ACSL3: variants seen among roughly 807,000 people sequenced by gnomAD.
The protein encoded by ACSL3 is acyl-CoA synthetase long chain family member 3, also known as fatty acid CoA ligase Acsl3.
In ACSL3, 34 loss-of-function variants were observed where a neutral mutation model predicts 84.7. The observed-to-expected ratio is 0.40, with a 90% CI of 0.31 to 0.53. The LOEUF (loss-of-function observed/expected upper bound fraction) is 0.53. Among genes scored for constraint, ACSL3 ranks in the 20% least tolerant of loss-of-function variants. The pLI is 0.48. For synonymous variants in ACSL3, 315 were observed against 299.4 expected (o/e 1.05, Z -0.54); for missense variants, 680 against 873.1 (o/e 0.78, Z 2.79).
At chr2:222,875,968 G>C (rs1469883095) in intron 1 of ACSL3, among the ~76,000 whole-genome samples, 2 of 152,162 alleles carry the variant, frequency 1.3e-5, no homozygotes, top group Non-Finnish European at 2.9e-5. Flanking sequence ...TGCATCATTA[G>C]AGTGTTTACC....
intron 10 of ACSL3, 102 bp downstream of exon 10, chr2:222,923,251 T>A: frequency 1.0e-6 from 1 of 960,048 alleles, no homozygotes; most frequent in Non-Finnish European, 1.6e-6. Context: ...GTAGTTTATG[T>A]AGGATTTATT....
chr2:222,934,473 T>A, intron 15 of ACSL3, 57 bp from the exon 16 acceptor site: 2 of 1,357,174 alleles, frequency 1.5e-6, no homozygotes, highest in Non-Finnish European at 1.9e-6. Context: ...TAATAATAAC[T>A]GCAGTCAACA....
At chr2:222,906,065 G>T (rs1696284301) in intron 3 of ACSL3, among the ~76,000 whole-genome samples, 1 of 151,966 alleles carries the variant, frequency 6.6e-6, no homozygotes, top group African/African-American at 2.4e-5. Flanking sequence ...TTGTAAACTG[G>T]GCATTTTAGA....
At position 222,909,016 on chromosome 2, in the gene ACSL3, T is replaced by C; in HGVS notation, c.244T>C (p.Tyr82His). The change falls in exon 4 of 17, where the codon TAC (tyrosine) becomes CAC (histidine). Residue 82 changes from tyrosine (Y) to histidine (H), a missense_variant. Physicochemically the swap from Tyr to His is moderately conservative, Grantham distance 83 (BLOSUM62 2). Around this residue, in one of 2 missense-constraint regions of ACSL3, gnomAD observed 333 missense variants for 347.5 expected, o/e 0.96. Transcript: ENST00000357430. ...TTTGGATGGTTTGGCTTCAGTATTA[T>C]ACCCTGGATGTGATACTTTAGATAA... ...NSLDGLASVLYPGCDTLDKVF... is the reference protein window; with the variant it reads ...NSLDGLASVLHPGCDTLDKVF... 6.2e-7 allele frequency: 1 copy of C among 1,613,792 alleles called. No individual in the cohort carries two copies. Among genetic ancestry groups the C allele is most frequent in the Non-Finnish European group, 8.5e-7 (1 of 1,179,896 alleles).
chr2:222,920,115 G>A (rs1030258539), intron 7 of ACSL3, among the ~76,000 whole-genome samples: 7 of 152,122 alleles, frequency 4.6e-5, no homozygotes, highest in Non-Finnish European at 8.8e-5. Flanking sequence ...TGCATGCAGA[G>A]GTCAGATGAC....
intron 1 of ACSL3, among the ~76,000 whole-genome samples, chr2:222,882,780 T>G (rs1351470791): frequency 8.1e-6 from 1 of 123,770 alleles, no homozygotes; most frequent in African/African-American, 3.0e-5. Context: ...TTTTTTTTTT[T>G]GAAGACAGAT....
At chr2:222,898,848 G>C (rs977028805) in intron 2 of ACSL3, among the ~76,000 whole-genome samples, 1 of 151,898 alleles carries the variant, frequency 6.6e-6, no homozygotes. Flanking sequence ...ACAAACAAAC[G>C]AAAACAAAAC....
At chr2:222,931,903 C>T (rs1192570737) in intron 14 of ACSL3, among the ~76,000 whole-genome samples, 1 of 151,978 alleles carries the variant, frequency 6.6e-6, no homozygotes, top group South Asian at 2.1e-4. Flanking sequence ...TCGGCTCAAG[C>T]AGCTGAGCAT....
chr2:222,928,146 A>G (rs914000545), intron 12 of ACSL3, among the ~76,000 whole-genome samples: 4 of 152,384 alleles, frequency 2.6e-5, no homozygotes, highest in East Asian at 1.9e-4. Flanking sequence ...AAGAGGAAAC[A>G]TAATGCAATA....
intron 16 of ACSL3, among the ~76,000 whole-genome samples, chr2:222,939,885 A>G (rs187976323): frequency 5.0e-4 from 76 of 152,224 alleles, no homozygotes; most frequent in East Asian, 4.1e-3. Flanking sequence ...CATTTCTTTC[A>G]TGTATCATAT....
At chr2:222,920,383 CTT>C (rs1387928572) in intron 7 of ACSL3, among the ~76,000 whole-genome samples, 3 of 152,172 alleles carry the variant, frequency 2.0e-5, no homozygotes, top group Non-Finnish European at 4.4e-5. Context: ...ACCTATTTCT[CTT>C]TGTTCTTCTG....
chr2:222,873,578 T>C (rs889440676), intron 1 of ACSL3, among the ~76,000 whole-genome samples: 10 of 152,336 alleles, frequency 6.6e-5, no homozygotes, highest in African/African-American at 2.4e-4. Context: ...ATTCTAGATA[T>C]AGCCAGTGCT....
rs900212510 is a variant in ACSL3, at chr2:222,871,037, G to A, written c.-207+9779G>A. On this transcript the variant is annotated intron_variant, in intron 1 of 16. Transcript: ENST00000357430. ...ATAGTTAAGGATACAGTTGAATTCT[G>A]CCAGGTGACAGGAGTAAGGACCTGA... Among the ~76,000 whole-genome samples, 4 of 152,224 alleles carry A rather than the reference G, an allele frequency of 2.6e-5. No homozygotes were observed. The South Asian group carries it at 8.3e-4, about 32-fold the overall frequency.
chr2:222,871,415 C>G (rs1273666307), intron 1 of ACSL3, among the ~76,000 whole-genome samples: 32 of 151,982 alleles, frequency 2.1e-4, no homozygotes, highest in Non-Finnish European at 1.5e-5. Flanking sequence ...GAACAAAGTT[C>G]TGGGCTTAGA....
At chr2:222,875,924 C>G (rs1695435538) in intron 1 of ACSL3, among the ~76,000 whole-genome samples, 1 of 151,994 alleles carries the variant, frequency 6.6e-6, no homozygotes. Flanking sequence ...CTAGGTAATA[C>G]TTTGTAGGTT....
intron 11 of ACSL3, among the ~76,000 whole-genome samples, chr2:222,924,808 G>A (rs7590226): frequency 0.81 from 123,232 of 151,802 alleles, 50,189 homozygotes; most frequent in East Asian, 0.96. Flanking sequence ...TGGATCATGA[G>A]GTCAGGAGAT....
In ACSL3 at chr2:222,896,447, C is replaced by T. The variant is rs1199623617; in HGVS notation, c.-147-4227C>T. On this transcript the variant is annotated intron_variant, in intron 2 of 16. Transcript: ENST00000357430. ...GGGGCTGACTCCCCCTCCCCCCTCC[C>T]GGACGGGGCGGCTGGCCGGGCGGGG... Among the ~76,000 whole-genome samples, 46 of 23,836 alleles carry T rather than the reference C, an allele frequency of 1.9e-3. 1 individual carries two copies. Among genetic ancestry groups the T allele is most frequent in the Admixed American group, 4.4e-3 (11 of 2,484 alleles). The allele number at this position is 23,836 out of a possible 152,430, so 15.6% of individuals were successfully genotyped here. A position where few individuals can be genotyped will look rare whatever the true frequency, so the allele number is the denominator to read the frequency against.
intron 1 of ACSL3, among the ~76,000 whole-genome samples, chr2:222,887,246 T>C (rs1372174352): frequency 6.6e-6 from 1 of 152,244 alleles, no homozygotes; most frequent in Non-Finnish European, 1.5e-5. Flanking sequence ...TGTCTTGTCA[T>C]GGCTTGATGG....
intron 2 of ACSL3, among the ~76,000 whole-genome samples, chr2:222,893,505 C>T (rs1695890908): frequency 6.6e-6 from 1 of 152,048 alleles, no homozygotes; most frequent in African/African-American, 2.4e-5. Flanking sequence ...GGTTGAGTTA[C>T]CATGTTGTAT....
Sources: allele counts gnomAD v4.1 joint callset (sites outside exome capture counted in the v4.1 genomes callset), GRCh38; gene constraint gnomAD v4.1.1; regional missense constraint gnomAD v4.1.1; transcripts MANE v1.5; gene names NCBI Gene and HGNC (gene_info 2026-07-23, HGNC 2026-07-21).